POLQ: variants seen among roughly 807,000 people sequenced by gnomAD.
POLQ encodes the protein DNA polymerase theta.
In POLQ, 233 loss-of-function variants were observed where a neutral mutation model predicts 259.2. The ratio of observed to expected loss-of-function variants is 0.90; its 90% CI spans 0.81 to 1.00. The LOEUF (loss-of-function observed/expected upper bound fraction) is 1.00, where lower values mean the gene tolerates loss of function less well. POLQ is among the 50% of genes least tolerant of loss of function. The probability of loss-of-function intolerance (pLI) is 0.00; values close to 1 mark genes in which losing one functional copy is unlikely to be tolerated. For missense variants in POLQ, 2,871 were observed against 3,051.6 expected, an observed-to-expected ratio of 0.94 and a Z score of 1.39; for synonymous variants, 1,025 against 1,048.8, an observed-to-expected ratio of 0.98 and a Z score of 0.44.
chr3:121,484,761 C>T lies in POLQ; in HGVS notation c.5773+280G>A, dbSNP rs185253510. Among the ~76,000 whole-genome samples, 15 of 152,080 alleles carry T rather than the reference C, an allele frequency of 9.9e-5. No homozygotes were observed. In the East Asian group the frequency reaches 2.9e-3, roughly 29 times the overall value. On this transcript the variant is annotated intron_variant, in intron 17 of 29. Coordinates refer to ENST00000264233, the MANE Select transcript of POLQ (RefSeq NM_199420.4). ...ACTAAAAAAATACAAAATTAGCCGG[C>T]GCAGTGGCACATGCTTGTAATAGCA...
Position 121,489,445 on chromosome 3 carries a change from A to T in POLQ, c.3486T>A (p.Ala1162=). The T allele has an allele frequency of 6.2e-7, 1 of 1,614,052 alleles. No homozygotes were observed. The highest frequency in any genetic ancestry group is 8.5e-7 in the Non-Finnish European group (1 of 1,179,964). The change falls in exon 16 of 30, where the codon GCT becomes GCA. Residue 1162 remains alanine, a synonymous_variant. Transcript: ENST00000264233. ...CTTCATTTATTTTTTCTGCCTCAAC[A>T]GCTACTCCTCTGCCCTTTTCACTAA... ...SVVSEKGRGV[A]VEAEKINEVL... is the part of the protein sequence containing the mutation.
chr3:121,460,142 T>G lies in POLQ; in HGVS notation c.7060A>C (p.Thr2354Pro). Residue 2354 changes from threonine to proline, a missense_variant, in exon 25 of 30, where the codon ACT (threonine) becomes CCT (proline). By Grantham distance (38) the Thr-to-Pro change is conservative (BLOSUM62 -1). This residue lies in a region of POLQ where 2,080 missense variants were observed against 2,126.0 expected (regional missense o/e 0.98). Coordinates refer to ENST00000264233, the MANE Select transcript of POLQ (RefSeq NM_199420.4). Reference sequence around the variant, plus strand: ...ATGCTCCTGAAAACATCAGCTCCAGTGTTTAACACTTGAATGAGACGACGA... The same window carrying G: ...ATGCTCCTGAAAACATCAGCTCCAGGGTTTAACACTTGAATGAGACGACGA... Reference protein sequence around the residue: ...HDRRLIQVLNTGADVFRSIAA... With the variant: ...HDRRLIQVLNPGADVFRSIAA... 6.2e-7 allele frequency: 1 copy of G among 1,613,476 alleles called. No homozygotes were observed.
In POLQ at chr3:121,432,358, T is replaced by G; in HGVS notation, c.7719A>C (p.Lys2573Asn). The G allele has an allele frequency of 6.2e-7, 1 of 1,610,584 alleles. No homozygotes were observed. The highest frequency in any genetic ancestry group is 1.1e-5 in the South Asian group (1 of 90,458). ...AGCTGGCGCCTATTTTCACTTTCAC[T>G]TTCAATTTCACAGACAGTTTTACAG... ...ESAVKLSVKL[K>N]VKVKIGASWG... Residue 2573 changes from lysine (K) to asparagine (N), a missense_variant, in exon 30 of 30, where the codon AAA (lysine) becomes AAC (asparagine). By Grantham distance (94) the Lys-to-Asn change is moderately conservative. Coordinates refer to ENST00000264233, the MANE Select transcript of POLQ (RefSeq NM_199420.4).
Position 121,481,684 on chromosome 3 carries a change from C to T in POLQ, c.6099G>A (p.Gly2033=), listed in dbSNP as rs376070853. 2 of 1,613,954 alleles carry T rather than the reference C, an allele frequency of 1.2e-6. No homozygotes were observed. The highest frequency in any genetic ancestry group is 1.7e-6 in the Non-Finnish European group (2 of 1,179,998). The stretch of plus-strand genomic sequence containing the variant: ...CAGAATGCTCACTGCCAGCATTTAG[C>T]CCCAGGCTTTGAATCCCTTGGCTGG... ...METSQGIQSL[G]LNAGSEHSGR... Residue 2033 remains glycine (G), a synonymous_variant, in exon 19 of 30, where the codon GGG becomes GGA. Coordinates refer to ENST00000264233, the MANE Select transcript of POLQ (RefSeq NM_199420.4).
At chr3:121,479,697 C>T (rs138985989) in intron 19 of POLQ, among the ~76,000 whole-genome samples, 2,251 of 152,228 alleles carry the variant, frequency 0.015, 27 homozygotes, top group Middle Eastern at 0.027. Flanking sequence ...AAGTGATCCA[C>T]CCACCTCAGC....
chr3:121,449,627 G>C (rs528380981), intron 25 of POLQ, among the ~76,000 whole-genome samples: 2 of 152,284 alleles, frequency 1.3e-5, no homozygotes, highest in East Asian at 3.9e-4. Flanking sequence ...TTTTGAGAGA[G>C]AGACAGAAGG....
Position 121,468,291 on chromosome 3 carries a change from G to C in POLQ, c.6845+14C>G. 2 of 1,601,060 alleles carry C rather than the reference G, an allele frequency of 1.2e-6. No individual in the cohort carries two copies. Among genetic ancestry groups the C allele is most frequent in the Non-Finnish European group, 1.7e-6 (2 of 1,175,134 alleles). ...AAAAGTTTATTAATACAGATACAGA[G>C]AAACAGCACCTACCTGCCCATGGGA... On this transcript the variant is annotated intron_variant, in intron 23 of 29. Transcript: ENST00000264233.
chr3:121,494,278 G>A, intron 14 of POLQ: 1 of 1,595,076 alleles, frequency 6.3e-7, no homozygotes, highest in Non-Finnish European at 8.5e-7. Flanking sequence ...TTGTGAAACG[G>A]CCCCGCTATA....
At chr3:121,451,763 C>T (rs1322468485) in intron 25 of POLQ, among the ~76,000 whole-genome samples, 5 of 152,152 alleles carry the variant, frequency 3.3e-5, no homozygotes, top group African/African-American at 9.7e-5. Context: ...GCAATCTGTC[C>T]GTTCTCAGAT....
chr3:121,537,022 A>C, intron 5 of POLQ, 78 bp downstream of exon 5: 1 of 760,030 alleles, frequency 1.3e-6, no homozygotes, highest in South Asian at 1.5e-5. Flanking sequence ...AATTTATTTA[A>C]CTCATACTTA....
chr3:121,518,982 C>T (rs566420039), intron 9 of POLQ, among the ~76,000 whole-genome samples: 1 of 152,118 alleles, frequency 6.6e-6, no homozygotes, highest in African/African-American at 2.4e-5. Context: ...TTCCTTACTG[C>T]TTAAGACAAA....
At position 121,436,151 on chromosome 3, in the gene POLQ, C is replaced by T. The variant is rs761979819; in HGVS notation, c.7514G>A (p.Arg2505Gln). Reference sequence around the variant, plus strand: ...TTGGTCACTTTGGAGCATACCCTCTCGATGACCATGGGATTTGAAGGTTGA... The same window carrying T: ...TTGGTCACTTTGGAGCATACCCTCTTGATGACCATGGGATTTGAAGGTTGA... Reference protein sequence around the residue: ...FHSTFKSHGHREGMLQSDQTG... With the variant: ...FHSTFKSHGHQEGMLQSDQTG... The change falls in exon 28 of 30, where the codon CGA becomes CAA. Residue 2505 changes from arginine (R) to glutamine (Q), a missense_variant. Arg to Gln is a conservative substitution (Grantham distance 43, BLOSUM62 1). Transcript: ENST00000264233. 1.2e-6 allele frequency: 2 copies of T among 1,613,812 alleles called. No individual in the cohort carries two copies. Among genetic ancestry groups the T allele is most frequent in the South Asian group, 1.1e-5 (1 of 91,076 alleles).
chr3:121,442,095 C>T (rs1395522088), intron 26 of POLQ, among the ~76,000 whole-genome samples: 3 of 152,122 alleles, frequency 2.0e-5, no homozygotes, highest in African/African-American at 7.2e-5. Flanking sequence ...ATCCTTTGTT[C>T]GATGGAACTA....
chr3:121,449,291 A>T (rs1455803917), intron 26 of POLQ, 24 bp downstream of exon 26: 1 of 1,125,432 alleles, frequency 8.9e-7, no homozygotes, highest in South Asian at 1.3e-5. Context: ...GGTTGAAAAG[A>T]ATACTATCTA....
At chr3:121,466,363 CAAAAAAAAAAA>C (rs751087085) in intron 24 of POLQ, among the ~76,000 whole-genome samples, 9 of 94,162 alleles carry the variant, frequency 9.6e-5, no homozygotes, top group Non-Finnish European at 1.5e-4. Flanking sequence ...GACTCCGTCT[CAAAAAAAAAAA>C]AAAAAAAAGA....
At position 121,488,376 on chromosome 3, in the gene POLQ, A is replaced by C. The variant is rs1341149486; in HGVS notation, c.4555T>G (p.Ser1519Ala). The C allele has an allele frequency of 6.2e-7, 1 of 1,612,804 alleles. No individual in the cohort carries two copies. Among genetic ancestry groups the C allele is most frequent in the Non-Finnish European group, 8.5e-7 (1 of 1,178,972 alleles). The change falls in exon 16 of 30, where the codon TCA (serine) becomes GCA (alanine). Residue 1519 changes from serine to alanine, a missense_variant. Coordinates refer to ENST00000264233, the MANE Select transcript of POLQ (RefSeq NM_199420.4). ...MKEPLPSEVT[S>A]NHFSDSLCLQ... ...CACAGAGAATCACTAAAATGGTTTGATGTTACTTCTGAAGGAAGGGGTTCT... is the reference window on the plus strand; with the variant it reads ...CACAGAGAATCACTAAAATGGTTTGCTGTTACTTCTGAAGGAAGGGGTTCT...
chr3:121,432,484 A>C, intron 29 of POLQ, 67 bp from the exon 30 acceptor site: 1 of 1,545,980 alleles, frequency 6.5e-7, no homozygotes, highest in Admixed American at 2.1e-5. Flanking sequence ...CCATCCCCTG[A>C]GAAAGTTATA....
chr3:121,449,458 A>AT, intron 25 of POLQ, 32 bp from the exon 26 acceptor site: 1 of 1,173,114 alleles, frequency 8.5e-7, no homozygotes. Context: ...AATAAAGGTT[A>AT]TAAGTACATA....
intron 9 of POLQ, among the ~76,000 whole-genome samples, chr3:121,515,827 A>C (rs944859559): frequency 5.3e-5 from 8 of 152,098 alleles, no homozygotes; most frequent in Non-Finnish European, 7.4e-5. Flanking sequence ...CCAACAATGA[A>C]CCCTAAAGAA....
Sources: allele counts gnomAD v4.1 joint callset (sites outside exome capture counted in the v4.1 genomes callset), GRCh38; gene constraint gnomAD v4.1.1; regional missense constraint gnomAD v4.1.1; transcripts MANE v1.5; gene names NCBI Gene and HGNC (gene_info 2026-07-23, HGNC 2026-07-21).